Variants in SLC1A2 observed in about 807,000 individuals in gnomAD.
SLC1A2 encodes the protein solute carrier family 1 member 2.
In SLC1A2, 15 loss-of-function variants were observed where a neutral mutation model predicts 48.8. The observed-to-expected ratio is 0.31, with a 90% CI of 0.21 to 0.47. The LOEUF (loss-of-function observed/expected upper bound fraction) is 0.47. SLC1A2 is among the 20% of genes least tolerant of loss of function. SLC1A2 has a pLI of 0.99. For synonymous variants in SLC1A2, 279 were observed against 272.6 expected (o/e 1.02, Z -0.23); for missense variants, 502 against 730.5 (o/e 0.69, Z 3.61).
At chr11:35,285,657 T>C (rs1169915520) in intron 8 of SLC1A2, 1 of 152,216 alleles carries the variant, frequency 6.6e-6, no homozygotes, top group Non-Finnish European at 1.5e-5. Context: ...TAAGCTGTGG[T>C]GACAGGTGCA....
In SLC1A2 at chr11:35,312,468, A is replaced by G. The variant is rs1851738188; in HGVS notation, c.311-20T>C. 6.2e-7 allele frequency: 1 copy of G among 1,613,086 alleles called. No individual in the cohort carries two copies. The highest frequency in any genetic ancestry group is 8.5e-7 in the Non-Finnish European group (1 of 1,179,216). On this transcript the variant is annotated intron_variant, in intron 3 of 10. Transcript: ENST00000278379. Reference sequence around the variant, plus strand: ...ACAACCCTGGATTGAAAAGAAATGCAGAAGGATTAATTCTATTACGTTTGT... The same window carrying G: ...ACAACCCTGGATTGAAAAGAAATGCGGAAGGATTAATTCTATTACGTTTGT...
chr11:35,343,695 A>C (rs1212000035), intron 1 of SLC1A2, among the ~76,000 whole-genome samples: 1 of 152,134 alleles, frequency 6.6e-6, no homozygotes, highest in Non-Finnish European at 1.5e-5. Context: ...CAGTAGCAGT[A>C]GTATTAGCAT....
At chr11:35,285,440 T>G (rs1045423867) in intron 8 of SLC1A2, 1 of 152,248 alleles carries the variant, frequency 6.6e-6, no homozygotes, top group African/African-American at 2.4e-5. Flanking sequence ...TGTATTCCAG[T>G]GTCTACCTCA....
chr11:35,360,170 G>A (rs559793680), intron 1 of SLC1A2: 22 of 752,166 alleles, frequency 2.9e-5, no homozygotes, highest in South Asian at 1.2e-4. Context: ...CCTACCCAGT[G>A]TTTTGATGAC....
At chr11:35,386,129 G>C (rs1005527479) in intron 1 of SLC1A2, among the ~76,000 whole-genome samples, 1 of 152,070 alleles carries the variant, frequency 6.6e-6, no homozygotes, top group African/African-American at 2.4e-5. Context: ...TGGCGCCACT[G>C]CACTCCAGCC....
intron 3 of SLC1A2, 37 bp downstream of exon 3, chr11:35,314,986 G>C: frequency 6.5e-7 from 1 of 1,528,944 alleles, no homozygotes; most frequent in Non-Finnish European, 9.1e-7. Flanking sequence ...GCAGGAGTAT[G>C]ACCCATGTTA....
chr11:35,348,878 C>A (rs1245747460), intron 1 of SLC1A2, among the ~76,000 whole-genome samples: 1 of 137,350 alleles, frequency 7.3e-6, no homozygotes, highest in Non-Finnish European at 1.5e-5. Flanking sequence ...GGGCGACAGA[C>A]CGAGACCTGG....
At chr11:35,272,473 G>T (rs993932879) in intron 9 of SLC1A2, among the ~76,000 whole-genome samples, 5 of 152,194 alleles carry the variant, frequency 3.3e-5, no homozygotes, top group Admixed American at 2.0e-4. Context: ...TGCTCTGCAT[G>T]GGTCTTCCTT....
chr11:35,255,792 G>A lies in SLC1A2; in HGVS notation c.*5102C>T, dbSNP rs1346590041. The A allele has an allele frequency of 2.6e-5, 4 of 152,096 alleles. No homozygotes were observed. Among genetic ancestry groups the A allele is most frequent in the Admixed American group, 2.6e-4 (4 of 15,278 alleles). 9.4% of individuals were successfully genotyped at this position (152,096 alleles called of 1,614,324 possible). A position where few individuals can be genotyped will look rare whatever the true frequency, so the allele number is the denominator to read the frequency against. ...ATTAGGAAGGTGAGTTTAAGTCAAG[G>A]GAACTTTTATTAAAAAACTTTTATT... On this transcript the variant is annotated 3_prime_UTR_variant, in exon 11 of 11. Coordinates refer to ENST00000278379, the MANE Select transcript of SLC1A2 (RefSeq NM_004171.4).
At chr11:35,283,745 G>C (rs1315738905) in intron 8 of SLC1A2, among the ~76,000 whole-genome samples, 1 of 152,000 alleles carries the variant, frequency 6.6e-6, no homozygotes, top group Non-Finnish European at 1.5e-5. Context: ...TTAAAGCAAG[G>C]GAGGTTAGTA....
chr11:35,290,343 G>GTACA (rs1850956743), intron 7 of SLC1A2, among the ~76,000 whole-genome samples: 1 of 152,094 alleles, frequency 6.6e-6, no homozygotes, highest in Admixed American at 6.5e-5. Context: ...TTGCATTGTA[G>GTACA]TACATACAGT....
At chr11:35,363,135 G>A (rs1853735506) in intron 1 of SLC1A2, among the ~76,000 whole-genome samples, 1 of 152,174 alleles carries the variant, frequency 6.6e-6, no homozygotes, top group Non-Finnish European at 1.5e-5. Flanking sequence ...TCTCACTGGA[G>A]AGGCTTACTG....
chr11:35,283,116 T>A (rs2134697093), intron 8 of SLC1A2, among the ~76,000 whole-genome samples: 1 of 152,034 alleles, frequency 6.6e-6, no homozygotes, highest in Non-Finnish European at 1.5e-5. Flanking sequence ...ATAGGATGGG[T>A]GGAGAAACTT....
chr11:35,301,233 T>C (rs1401210194), intron 6 of SLC1A2, among the ~76,000 whole-genome samples: 1 of 152,202 alleles, frequency 6.6e-6, no homozygotes, highest in East Asian at 1.9e-4. Context: ...TATTTTGTTA[T>C]GGCAACCCAA....
rs138752234 is a variant in SLC1A2, at chr11:35,355,042, C to T, written c.18-37526G>A. Among the ~76,000 whole-genome samples the T allele has an allele frequency of 3.5e-3, 536 of 152,290 alleles. 10 individuals carry two copies. Among genetic ancestry groups the T allele is most frequent in the Admixed American group, 0.026 (399 of 15,290 alleles). Reference sequence around the variant, plus strand: ...CAATGGAAACTCCTATAAATGATTACATTTATAATCAGAGAAACATGGTAG... The same window carrying T: ...CAATGGAAACTCCTATAAATGATTATATTTATAATCAGAGAAACATGGTAG... On this transcript the variant is annotated intron_variant, in intron 1 of 10. Transcript: ENST00000278379.
intron 1 of SLC1A2, among the ~76,000 whole-genome samples, chr11:35,415,304 C>T (rs527812447): frequency 1.3e-5 from 2 of 152,298 alleles, no homozygotes; most frequent in Non-Finnish European, 2.9e-5. Flanking sequence ...GGAGTTTCTG[C>T]CTCACAAGTT....
intron 1 of SLC1A2, among the ~76,000 whole-genome samples, chr11:35,395,750 T>G (rs911914908): frequency 3.4e-5 from 5 of 148,280 alleles, no homozygotes; most frequent in African/African-American, 1.3e-4. Context: ...TATGTATACA[T>G]GTGCCGTGCT....
At chr11:35,360,806 C>T (rs564560047) in intron 1 of SLC1A2, among the ~76,000 whole-genome samples, 1 of 152,220 alleles carries the variant, frequency 6.6e-6, no homozygotes, top group East Asian at 1.9e-4. Flanking sequence ...ACCATAACAC[C>T]ATTTCTCAGA....
At chr11:35,306,317 C>T (rs774057585) in intron 4 of SLC1A2, 75 bp from the exon 5 acceptor site, 2 of 1,215,122 alleles carry the variant, frequency 1.6e-6, no homozygotes, top group Non-Finnish European at 2.3e-6. Context: ...ATTGGCTACT[C>T]ATATATTTTA....
Sources: allele counts gnomAD v4.1 joint callset (sites outside exome capture counted in the v4.1 genomes callset), GRCh38; gene constraint gnomAD v4.1.1; transcripts MANE v1.5; gene names NCBI Gene and HGNC (gene_info 2026-07-23, HGNC 2026-07-21).